Variants in EZH1 observed in about 807,000 individuals in gnomAD.
EZH1 encodes the protein enhancer of zeste 1 polycomb repressive complex 2 subunit.
Under a neutral mutation model 100.5 loss-of-function variants are expected in EZH1, and 33 were observed. That is an observed-to-expected ratio of 0.33 (90% CI 0.25 to 0.44). The LOEUF (loss-of-function observed/expected upper bound fraction) is 0.44. Ranked by LOEUF, EZH1 falls within the 20% of genes least tolerant of loss-of-function variation. The pLI is 1.00. For synonymous variants in EZH1, 272 were observed against 313.8 expected, an observed-to-expected ratio of 0.87 and a Z score of 1.41; for missense variants, 475 against 928.4, an observed-to-expected ratio of 0.51 and a Z score of 6.35.
chr17:42,713,134 G>T, intron 11 of EZH1, 75 bp downstream of exon 11: 1 of 1,340,990 alleles, frequency 7.5e-7, no homozygotes. Flanking sequence ...GTAAAGTTAA[G>T]TGTCAGGCAG....
At position 42,702,374 on chromosome 17, in the gene EZH1, T is replaced by C. The variant is rs775660022; in HGVS notation, c.*158A>G. On this transcript the variant is annotated 3_prime_UTR_variant, in exon 21 of 21. Transcript: ENST00000428826. ...CTCCCCTCTCATTGAGACAGTTTTGTGCCCTCTGGACATGGCAGAGGCCTC... is the reference window on the plus strand; with the variant it reads ...CTCCCCTCTCATTGAGACAGTTTTGCGCCCTCTGGACATGGCAGAGGCCTC... 2 of 561,124 alleles carry C rather than the reference T, an allele frequency of 3.6e-6. No individual in the cohort carries two copies. Among genetic ancestry groups the C allele is most frequent in the Non-Finnish European group, 6.3e-6 (2 of 318,132 alleles). The allele number at this position is 561,124 out of a possible 1,614,324, so 34.8% of individuals were successfully genotyped here. A position where few individuals can be genotyped will look rare whatever the true frequency, so the allele number is the denominator to read the frequency against.
intron 1 of EZH1, among the ~76,000 whole-genome samples, chr17:42,737,236 T>G (rs376527416): frequency 1.3e-5 from 2 of 152,190 alleles, no homozygotes; most frequent in Admixed American, 6.5e-5. Context: ...TCCACCCGCC[T>G]TGGCCTCCCA....
chr17:42,739,806 CA>C (rs2054142663), intron 1 of EZH1, among the ~76,000 whole-genome samples: 2 of 149,350 alleles, frequency 1.3e-5, no homozygotes. Context: ...TTTTTTGAGA[CA>C]GAGTCTCGCG....
At position 42,732,543 on chromosome 17, in the gene EZH1, C is replaced by T. The variant is rs545289401; in HGVS notation, c.-102-1625G>A. Among the ~76,000 whole-genome samples the T allele has an allele frequency of 5.3e-5, 8 of 152,168 alleles. No homozygotes were observed. The East Asian group carries it at 1.4e-3, about 26-fold the overall frequency. On this transcript the variant is annotated intron_variant, in intron 1 of 20. Transcript: ENST00000428826. ...CAGCACTTTGGGAGGCCGAGGCGGGCAGATGATGAGGTCAGGAGATCGAGA... is the reference window on the plus strand; with the variant it reads ...CAGCACTTTGGGAGGCCGAGGCGGGTAGATGATGAGGTCAGGAGATCGAGA...
rs1175553159 is a variant in EZH1, at chr17:42,724,287, A to G, written c.366+18T>C. 5.6e-6 allele frequency: 9 copies of G among 1,613,030 alleles called. No homozygotes were observed. Among genetic ancestry groups the G allele is most frequent in the African/African-American group, 4.0e-5 (3 of 74,908 alleles). On this transcript the variant is annotated intron_variant, in intron 5 of 20. Coordinates refer to ENST00000428826, the MANE Select transcript of EZH1 (RefSeq NM_001991.5). The stretch of plus-strand genomic sequence containing the variant: ...ATCATACAGTTTAAATAACCACCAC[A>G]GTGCTTTCAATACATACCATAAAGT...
chr17:42,722,794 C>T lies in EZH1; in HGVS notation c.487+1G>A. The T allele has an allele frequency of 6.2e-7, 1 of 1,613,218 alleles. No individual in the cohort carries two copies. Among genetic ancestry groups the T allele is most frequent in the Non-Finnish European group, 8.5e-7 (1 of 1,179,780 alleles). On this transcript the variant is annotated splice_donor_variant, in intron 6 of 20. Transcript: ENST00000428826. LOFTEE classifies it high-confidence loss of function. ...TTCTCCAAGGAGTTCAGTACCACTA[C>T]CTTCTTCACCATGGACTTTCCCATC...
rs141004741 is a variant in EZH1 at position 42,718,491 on chromosome 17, A to G, written c.894T>C (p.Phe298=). 3.3e-5 allele frequency: 53 copies of G among 1,614,062 alleles called. No individual in the cohort carries two copies. The Admixed American group carries it at 3.5e-4, about 11-fold the overall frequency. ...AGTCGTATTTAAAGCAGCGCCGGCA[A>G]AAAAGTGTGTGGAAGGAGTGCAGAG... is the stretch of plus-strand genomic sequence containing the variant. ...EQSLHSFHTL[F]CRRCFKYDCF... is the part of the protein sequence containing the mutation. The change falls in exon 9 of 21, where the codon TTT becomes TTC. Residue 298 remains phenylalanine, a synonymous_variant. Transcript: ENST00000428826. This position sits in a 1 kb window ranked among gnomAD's most constrained non-coding sequence, Gnocchi z 4.2.
intron 1 of EZH1, among the ~76,000 whole-genome samples, chr17:42,744,764 C>T (rs1009496586): frequency 6.6e-6 from 1 of 151,686 alleles, no homozygotes; most frequent in Admixed American, 6.6e-5. Flanking sequence ...CGCCGCTCCT[C>T]CTCCCGGGCA....
At chr17:42,720,988 G>C (rs928575839) in intron 6 of EZH1, among the ~76,000 whole-genome samples, 1 of 152,126 alleles carries the variant, frequency 6.6e-6, no homozygotes, top group African/African-American at 2.4e-5. Flanking sequence ...CACTTCCTCA[G>C]TCACAAGTCA....
chr17:42,734,184 A>G (rs970806208), intron 1 of EZH1, among the ~76,000 whole-genome samples: 1 of 151,242 alleles, frequency 6.6e-6, no homozygotes, highest in Non-Finnish European at 1.5e-5. Flanking sequence ...AGTTGCTGAC[A>G]TTACACCACC....
At chr17:42,742,848 C>A (rs748695099) in intron 1 of EZH1, among the ~76,000 whole-genome samples, 5 of 151,910 alleles carry the variant, frequency 3.3e-5, no homozygotes, top group South Asian at 4.1e-4. Context: ...TATGTATGTG[C>A]GTTTTTAAGT....
In EZH1 at chr17:42,745,032, C is replaced by T. The variant is rs758937711; in HGVS notation, c.-124G>A. 1 of 1,272,534 alleles carries T rather than the reference C, an allele frequency of 7.9e-7. No homozygotes were observed. The highest frequency in any genetic ancestry group is 1.3e-5 in the South Asian group (1 of 78,134). The allele number at this position is 1,272,534 out of a possible 1,614,324, so 78.8% of individuals were successfully genotyped here. On this transcript the variant is annotated 5_prime_UTR_variant, in exon 1 of 21. Transcript: ENST00000428826. ...TCACCCTCCATCCCGAGCCGCGGGT[C>T]CCGCTGCTAGGACGCATGCGCGCCG...
intron 13 of EZH1, chr17:42,709,510 G>A (rs1219845216): frequency 4.4e-6 from 1 of 229,796 alleles, no homozygotes; most frequent in Non-Finnish European, 8.5e-6. Flanking sequence ...TCTGATCAGA[G>A]TTGAGAAATG....
Position 42,713,202 on chromosome 17 carries a change from A to G in EZH1, c.1204+7T>C. The G allele has an allele frequency of 6.2e-7, 1 of 1,612,584 alleles. No individual in the cohort carries two copies. Among genetic ancestry groups the G allele is most frequent in the East Asian group, 2.2e-5 (1 of 44,738 alleles). Reference sequence around the variant, plus strand: ...AAGAAAAAGTCTTCATTTTCTGTTCATCGTACCTGAAGAACTGGAGGCCCA... The same window carrying G: ...AAGAAAAAGTCTTCATTTTCTGTTCGTCGTACCTGAAGAACTGGAGGCCCA... On this transcript the variant is annotated splice_region_variant and intron_variant, in intron 11 of 20. Coordinates refer to ENST00000428826, the MANE Select transcript of EZH1 (RefSeq NM_001991.5).
intron 1 of EZH1, among the ~76,000 whole-genome samples, chr17:42,737,399 G>A (rs185409306): frequency 2.2e-4 from 34 of 152,266 alleles, no homozygotes; most frequent in African/African-American, 6.5e-4. Context: ...CCAGTTGTTC[G>A]AGACCAGCCT....
chr17:42,737,825 T>C (rs2054094973), intron 1 of EZH1, among the ~76,000 whole-genome samples: 1 of 152,096 alleles, frequency 6.6e-6, no homozygotes, highest in Non-Finnish European at 1.5e-5. Flanking sequence ...AAAACTAGAA[T>C]GTAGTCTGTC....
chr17:42,735,047 G>A (rs1345276580), intron 1 of EZH1, among the ~76,000 whole-genome samples: 1 of 151,064 alleles, frequency 6.6e-6, no homozygotes, highest in African/African-American at 2.4e-5. Context: ...GAGGGCGGGA[G>A]GGAGGGAAGG....
intron 10 of EZH1, 96 bp downstream of exon 10, chr17:42,717,880 T>C: frequency 1.8e-6 from 2 of 1,085,594 alleles, no homozygotes; most frequent in Non-Finnish European, 2.8e-6. Context: ...CCATGTTTTA[T>C]TTGTGCTATA....
intron 7 of EZH1, among the ~76,000 whole-genome samples, 178 bp downstream of exon 7, chr17:42,720,095 T>C (rs1389595211): frequency 1.3e-5 from 2 of 152,230 alleles, no homozygotes; most frequent in Non-Finnish European, 2.9e-5. Context: ...GTTCTTCTAC[T>C]TTCTTCTTCA....
Sources: gnomAD v4.1 joint callset for allele counts (sites outside exome capture counted in the v4.1 genomes callset) on GRCh38, gnomAD v4.1.1 for gene constraint, Gnocchi (gnomAD v3.1) non-coding constraint, MANE v1.5 for transcripts, NCBI Gene and HGNC (gene_info 2026-07-23, HGNC 2026-07-21) for gene names.